Variants in ACOXL observed in about 807,000 individuals in gnomAD.
ACOXL encodes the protein acyl-coenzyme A oxidase-like protein.
Under a neutral mutation model 71.9 loss-of-function variants are expected in ACOXL, and 70 were observed. The ratio of observed to expected loss-of-function variants is 0.97; its 90% CI spans 0.80 to 1.19. The LOEUF is 1.19. Among genes scored for constraint, ACOXL ranks in the 50% most tolerant of loss-of-function variants. ACOXL has a pLI of 0.00. For missense variants in ACOXL, 703 were observed against 736.3 expected (o/e 0.95, Z 0.52); for synonymous variants, 253 against 281.6 (o/e 0.90, Z 1.02).
chr2:110,776,489 G>C (rs973748576), intron 2 of ACOXL, among the ~76,000 whole-genome samples: 1 of 152,172 alleles, frequency 6.6e-6, no homozygotes, highest in South Asian at 2.1e-4. Flanking sequence ...AGAGGGACAG[G>C]TGGGGGCCTC....
At chr2:110,995,852 A>C in intron 13 of ACOXL, 41 bp from the exon 14 acceptor site, 9 of 1,491,252 alleles carry the variant, frequency 6.0e-6, no homozygotes, top group South Asian at 1.1e-5. Flanking sequence ...ATTCTTGGTG[A>C]GGCCAAAATA....
At chr2:110,830,409 CTCTT>C (rs1183641315) in intron 9 of ACOXL, among the ~76,000 whole-genome samples, 29 of 152,232 alleles carry the variant, frequency 1.9e-4, no homozygotes, top group African/African-American at 7.0e-4. Context: ...AAATACGTGT[CTCTT>C]TCCACAATAA....
At chr2:111,117,239 G>A (rs1333398222) in intron 17 of ACOXL, among the ~76,000 whole-genome samples, 1 of 152,130 alleles carries the variant, frequency 6.6e-6, no homozygotes, top group Non-Finnish European at 1.5e-5. Context: ...GGGGACGACA[G>A]GGGAGGCAAA....
chr2:110,963,795 C>A, intron 12 of ACOXL: 1 of 1,560,556 alleles, frequency 6.4e-7, no homozygotes, highest in Non-Finnish European at 8.7e-7. Context: ...TATCTGATTG[C>A]CTTCTTTAAT....
intron 9 of ACOXL, among the ~76,000 whole-genome samples, chr2:110,829,133 T>C (rs1689516578): frequency 6.6e-6 from 1 of 152,190 alleles, no homozygotes; most frequent in Non-Finnish European, 1.5e-5. Context: ...TAAATGTCTG[T>C]TTTGGGGGCT....
intron 10 of ACOXL, among the ~76,000 whole-genome samples, chr2:110,892,928 G>T (rs540119424): frequency 6.6e-6 from 1 of 152,156 alleles, no homozygotes; most frequent in Admixed American, 6.6e-5. Flanking sequence ...CAGCCTAGTG[G>T]CACTTGCTGC....
intron 3 of ACOXL, among the ~76,000 whole-genome samples, chr2:110,785,863 G>A (rs1230667573): frequency 1.3e-5 from 2 of 152,148 alleles, no homozygotes; most frequent in African/African-American, 4.8e-5. Flanking sequence ...CAAAGTTAGT[G>A]CATCAATTCA....
At chr2:110,920,447 G>A (rs1277626606) in intron 11 of ACOXL, among the ~76,000 whole-genome samples, 1 of 152,066 alleles carries the variant, frequency 6.6e-6, no homozygotes, top group Non-Finnish European at 1.5e-5. Context: ...ATTGTTGAGT[G>A]CAAGAGTTCT....
chr2:110,752,121 T>G (rs934549185), intron 1 of ACOXL, among the ~76,000 whole-genome samples: 8 of 151,594 alleles, frequency 5.3e-5, no homozygotes, highest in African/African-American at 1.9e-4. Context: ...GCCTCCTGGG[T>G]TCAAGCAAGT....
At chr2:110,973,882 C>T (rs1329228888) in intron 12 of ACOXL, among the ~76,000 whole-genome samples, 1 of 152,228 alleles carries the variant, frequency 6.6e-6, no homozygotes, top group African/African-American at 2.4e-5. Flanking sequence ...CCTGGCCAGG[C>T]AGTGCTTGGT....
intron 14 of ACOXL, among the ~76,000 whole-genome samples, chr2:111,022,756 G>A (rs1213711031): frequency 2.6e-5 from 4 of 152,220 alleles, no homozygotes; most frequent in Admixed American, 2.6e-4. Flanking sequence ...GGGGCCTGCA[G>A]CAGAGGGAGG....
intron 12 of ACOXL, among the ~76,000 whole-genome samples, chr2:110,957,220 T>A (rs905146303): frequency 1.3e-5 from 2 of 151,878 alleles, no homozygotes; most frequent in African/African-American, 4.8e-5. Flanking sequence ...ATCCCCACTC[T>A]GGAGTCCAAT....
At chr2:111,018,605 C>T (rs1039148261) in intron 14 of ACOXL, among the ~76,000 whole-genome samples, 6 of 152,052 alleles carry the variant, frequency 3.9e-5, no homozygotes, top group African/African-American at 1.4e-4. Flanking sequence ...CTAGGGAGAG[C>T]CTTCTGAGGT....
chr2:110,822,008 G>A (rs777403306), intron 9 of ACOXL, among the ~76,000 whole-genome samples: 113 of 151,836 alleles, frequency 7.4e-4, no homozygotes, highest in Admixed American at 2.5e-3. Context: ...TATACATGCG[G>A]CTGTATACAA....
At chr2:110,772,392 C>G (rs531064836) in intron 2 of ACOXL, among the ~76,000 whole-genome samples, 4 of 152,200 alleles carry the variant, frequency 2.6e-5, no homozygotes, top group Non-Finnish European at 5.9e-5. Context: ...GACTGCTGCA[C>G]TATGCCTCCT....
At chr2:111,056,523 T>C (rs975656889) in intron 16 of ACOXL, among the ~76,000 whole-genome samples, 6 of 152,032 alleles carry the variant, frequency 3.9e-5, no homozygotes, top group Non-Finnish European at 7.4e-5. Flanking sequence ...GCATGGTGGC[T>C]CACGCCTGTA....
intron 11 of ACOXL, among the ~76,000 whole-genome samples, chr2:110,912,592 C>T (rs1163258091): frequency 1.3e-5 from 2 of 152,112 alleles, no homozygotes; most frequent in African/African-American, 4.8e-5. Flanking sequence ...GACCCCTATA[C>T]AGCAGTTAAC....
In ACOXL at chr2:110,830,538, A is replaced by AT. The variant is rs1005173690; in HGVS notation, c.754-10820dup. 2.1e-3 allele frequency among the ~76,000 whole-genome samples: 308 copies of AT among 145,000 alleles called. 2 individuals are homozygous for AT. Among genetic ancestry groups the AT allele is most frequent in the African/African-American group, 5.1e-3 (202 of 39,834 alleles). ...AGGTTTTTTGGGTTTGTTTTGTATAATTTTTTTTTTTTTGAGACAGAGTCT... is the reference window on the plus strand; with the variant it reads ...AGGTTTTTTGGGTTTGTTTTGTATAATTTTTTTTTTTTTTGAGACAGAGTCT... On this transcript the variant is annotated intron_variant, in intron 9 of 17. Transcript: ENST00000439055.
intron 10 of ACOXL, among the ~76,000 whole-genome samples, chr2:110,869,731 C>A (rs1263085218): frequency 1.3e-5 from 2 of 152,226 alleles, no homozygotes; most frequent in Non-Finnish European, 2.9e-5. Flanking sequence ...GAGCCCACAC[C>A]CTGAGCCACT....
Sources: allele counts gnomAD v4.1 joint callset (sites outside exome capture counted in the v4.1 genomes callset), GRCh38; gene constraint gnomAD v4.1.1; transcripts MANE v1.5; gene names NCBI Gene and HGNC (gene_info 2026-07-23, HGNC 2026-07-21).